Variants in ASNS observed in about 807,000 individuals in gnomAD.
ASNS encodes the protein asparagine synthetase (glutamine-hydrolyzing).
A neutral mutation model predicts 62.6 loss-of-function variants in ASNS; 37 were observed. The observed-to-expected ratio is 0.59, with a 90% CI of 0.45 to 0.78. The LOEUF (loss-of-function observed/expected upper bound fraction) is 0.78, where lower values mean the gene tolerates loss of function less well. Ranked by LOEUF, ASNS falls within the 30% of genes least tolerant of loss-of-function variation. ASNS has a pLI of 0.00. For synonymous variants in ASNS, 207 were observed against 237.9 expected (o/e 0.87, Z 1.19); for missense variants, 520 against 682.4 (o/e 0.76, Z 2.65).
the ASNS span, among the ~76,000 whole-genome samples, chr7:97,897,324 T>A: frequency 6.6e-6 from 1 of 152,144 alleles, no homozygotes; most frequent in Admixed American, 6.5e-5. Context: ...GGCAATACCA[T>A]CCGGTACGTA....
Position 97,854,663 on chromosome 7 carries a change from T to G in ASNS, c.1155A>C (p.Lys385Asn). ...GAAGCCTCTCACTCTCCTCCTCGGC[T>G]TTTTCAGGAGAAGGAGCCTATTTCA... ...IYFHKAPSPE[K>N]AEEESERLLR... Residue 385 changes from lysine to asparagine, a missense_variant, in exon 10 of 13, where the codon AAA becomes AAC. Physicochemically the swap from Lys to Asn is moderately conservative, Grantham distance 94. Transcript: ENST00000394308. The G allele has an allele frequency of 6.2e-7, 1 of 1,614,040 alleles. No homozygotes were observed. The highest frequency in any genetic ancestry group is 1.3e-5 in the African/African-American group (1 of 75,036).
chr7:97,871,266 G>T (rs1792244477), intron 1 of ASNS, among the ~76,000 whole-genome samples: 2 of 152,170 alleles, frequency 1.3e-5, no homozygotes, highest in South Asian at 4.1e-4. Flanking sequence ...ATACATCTCA[G>T]TTAGGACTAG....
upstream of ASNS, among the ~76,000 whole-genome samples, chr7:97,875,779 G>A (rs1792425840): frequency 6.6e-6 from 1 of 152,074 alleles, no homozygotes; most frequent in Non-Finnish European, 1.5e-5. Flanking sequence ...TTTAAACACA[G>A]TTACTTATTT....
upstream of ASNS, among the ~76,000 whole-genome samples, chr7:97,877,341 C>T (rs1792463846): frequency 6.6e-6 from 1 of 152,166 alleles, no homozygotes; most frequent in Non-Finnish European, 1.5e-5. Context: ...GATCCACCCA[C>T]CTTAGCCTCC....
chr7:97,878,925 T>G, the ASNS span, among the ~76,000 whole-genome samples: 1 of 152,140 alleles, frequency 6.6e-6, no homozygotes, highest in Admixed American at 6.5e-5. Context: ...CAAAACAGCA[T>G]AGTACTGGTA....
At chr7:97,900,132 G>A in the ASNS span, among the ~76,000 whole-genome samples, 1 of 151,990 alleles carries the variant, frequency 6.6e-6, no homozygotes, top group African/African-American at 2.4e-5. Flanking sequence ...GACCGAGGCA[G>A]GTGGATCACC....
the ASNS span, among the ~76,000 whole-genome samples, chr7:97,896,711 T>C: frequency 0.19 from 8,546 of 44,188 alleles, 1,169 homozygotes; most frequent in Non-Finnish European, 0.25. Flanking sequence ...TGTATATATA[T>C]ACACACACAC....
chr7:97,918,894 T>C, the ASNS span, among the ~76,000 whole-genome samples: 1 of 151,972 alleles, frequency 6.6e-6, no homozygotes, highest in Non-Finnish European at 1.5e-5. Context: ...TGTATACCTA[T>C]GTAACAAACC....
At chr7:97,873,332 G>A (rs1792365066), upstream of ASNS, among the ~76,000 whole-genome samples, 1 of 152,156 alleles carries the variant, frequency 6.6e-6, no homozygotes, top group African/African-American at 2.4e-5. Flanking sequence ...AATTATATGT[G>A]CACGACCTAC....
In ASNS at chr7:97,856,787, A is replaced by AG; in HGVS notation, c.932_933insC (p.Glu312Ter). On this transcript the variant is annotated frameshift_variant, in exon 8 of 13. Coordinates refer to ENST00000394308, the MANE Select transcript of ASNS (RefSeq NM_001673.5). LOFTEE classifies it high-confidence loss of function. ...CTTCCTCAGAGTTAAAAAGGACTTC[A>AG]TAATGTTCACTTCCAATATGATCTG... The AG allele has an allele frequency of 6.2e-7, 1 of 1,611,960 alleles. No homozygotes were observed. The highest frequency in any genetic ancestry group is 2.2e-5 in the East Asian group (1 of 44,846).
the ASNS span, among the ~76,000 whole-genome samples, chr7:97,881,383 GC>G: frequency 7.8e-6 from 1 of 128,732 alleles, no homozygotes; most frequent in African/African-American, 2.9e-5. Context: ...AACACCCCCC[GC>G]CCCCCCAAAA....
the ASNS span, among the ~76,000 whole-genome samples, chr7:97,890,099 A>C: frequency 3.1e-4 from 47 of 152,134 alleles, no homozygotes; most frequent in African/African-American, 1.0e-3. Flanking sequence ...GACTAGATCA[A>C]GCAAAACAAA....
At chr7:97,907,771 A>AG in the ASNS span, among the ~76,000 whole-genome samples, 1 of 151,446 alleles carries the variant, frequency 6.6e-6, no homozygotes, top group Non-Finnish European at 1.5e-5. Flanking sequence ...TCCATCTCAA[A>AG]AAAAAAAAAA....
the ASNS span, among the ~76,000 whole-genome samples, chr7:97,894,661 A>G: frequency 6.6e-6 from 1 of 152,158 alleles, no homozygotes; most frequent in South Asian, 2.1e-4. Flanking sequence ...ACAGCCTACC[A>G]AGATTGAACT....
chr7:97,904,317 C>CACACAG, the ASNS span, among the ~76,000 whole-genome samples: 730 of 146,594 alleles, frequency 5.0e-3, 1 homozygote, highest in Middle Eastern at 0.011. Flanking sequence ...CACACACACA[C>CACACAG]AGAGAGAGAG....
chr7:97,859,507 C>T (rs76789752), intron 4 of ASNS, 109 bp from the exon 5 acceptor site: 36 of 1,211,138 alleles, frequency 3.0e-5, no homozygotes, highest in Middle Eastern at 2.3e-4. Flanking sequence ...AATACAAACA[C>T]ATACCCATTA....
At chr7:97,860,497 A>G (rs1235453143) in intron 4 of ASNS, among the ~76,000 whole-genome samples, 2 of 152,196 alleles carry the variant, frequency 1.3e-5, no homozygotes, top group African/African-American at 4.8e-5. Context: ...ACATATATAT[A>G]TGCTTGTTCT....
Position 97,852,183 on chromosome 7 carries a change from A to T in ASNS, c.*76T>A. ...CCCAAGTTAGCCTGAGTTGACTCTC[A>T]TTGTTCCCCTATCTACCCACAGTCC... is the stretch of plus-strand genomic sequence containing the variant. On this transcript the variant is annotated 3_prime_UTR_variant, in exon 13 of 13. Transcript: ENST00000394308. 6.6e-7 allele frequency: 1 copy of T among 1,516,370 alleles called. No homozygotes were observed. Among genetic ancestry groups the T allele is most frequent in the African/African-American group, 1.4e-5 (1 of 72,728 alleles). 93.9% of individuals were successfully genotyped at this position (1,516,370 alleles called of 1,614,324 possible).
the ASNS span, among the ~76,000 whole-genome samples, chr7:97,892,863 C>T: frequency 1.3e-5 from 2 of 152,222 alleles, no homozygotes; most frequent in Non-Finnish European, 2.9e-5. Flanking sequence ...TTCCTGTCTC[C>T]TTCTGAGCCC....
Sources: gnomAD v4.1 joint callset for allele counts (sites outside exome capture counted in the v4.1 genomes callset) on GRCh38, gnomAD v4.1.1 for gene constraint, MANE v1.5 for transcripts, NCBI Gene and HGNC (gene_info 2026-07-23, HGNC 2026-07-21) for gene names.